Variants in MBP observed in about 807,000 individuals in gnomAD.
MBP encodes the protein Golli-MBP.
Under a neutral mutation model 35.8 loss-of-function variants are expected in MBP, and 16 were observed. The ratio of observed to expected loss-of-function variants is 0.45; its 90% CI spans 0.30 to 0.68. The LOEUF (loss-of-function observed/expected upper bound fraction) is 0.68. Among genes scored for constraint, MBP ranks in the 30% least tolerant of loss-of-function variants. The pLI, the probability that MBP is intolerant of heterozygous loss-of-function variation, is 0.08. For synonymous variants in MBP, 143 were observed against 159.6 expected (o/e 0.90, Z 0.78); for missense variants, 380 against 404.7 (o/e 0.94, Z 0.52).
rs1049578905 is a variant in MBP, at chr18:77,102,438, C to T, written c.51+2773G>A. Among the ~76,000 whole-genome samples the T allele has an allele frequency of 6.6e-6, 1 of 152,158 alleles. No individual in the cohort carries two copies. The highest frequency in any genetic ancestry group is 2.4e-5 in the African/African-American group (1 of 41,414). ...TGCTCTACTAAGCTATGCAGCATCA[C>T]AGAACATGTACATGTACTTGGAAGG... On this transcript the variant is annotated intron_variant, in intron 2 of 8. Coordinates refer to ENST00000355994, the MANE Select transcript of MBP (RefSeq NM_001025101.2). This position sits in a 1 kb window ranked among gnomAD's most constrained non-coding sequence, Gnocchi z 4.4.
intron 2 of MBP, among the ~76,000 whole-genome samples, chr18:77,094,980 T>C (rs565577898): frequency 6.6e-6 from 1 of 152,224 alleles, no homozygotes; most frequent in Non-Finnish European, 1.5e-5. Flanking sequence ...CTGGAGGTGC[T>C]GCAGGGGAGT....
At chr18:77,052,161 A>T (rs1973514814) in intron 3 of MBP, among the ~76,000 whole-genome samples, 1 of 152,168 alleles carries the variant, frequency 6.6e-6, no homozygotes, top group South Asian at 2.1e-4. Context: ...CGGGGGAAGG[A>T]GCGGGGCGAT....
At chr18:77,017,417 G>T in intron 3 of MBP, 149 bp from the exon 4 acceptor site, 1 of 601,354 alleles carries the variant, frequency 1.7e-6, no homozygotes, top group Non-Finnish European at 2.5e-6. Flanking sequence ...CTAGGATGGA[G>T]CTAACCTGGA....
intron 3 of MBP, among the ~76,000 whole-genome samples, chr18:77,029,760 T>A (rs1020297506): frequency 8.0e-5 from 12 of 150,758 alleles, no homozygotes; most frequent in Non-Finnish European, 1.3e-4. Context: ...GAGTGTTCTA[T>A]GTTCCCATAA....
chr18:77,055,070 T>C (rs1599151418), intron 3 of MBP, among the ~76,000 whole-genome samples: 1 of 152,290 alleles, frequency 6.6e-6, no homozygotes, highest in East Asian at 1.9e-4. Flanking sequence ...GGCCCCGCAG[T>C]TAGAAGGGAA....
intron 7 of MBP, chr18:76,987,987 C>T: frequency 7.9e-7 from 1 of 1,262,986 alleles, no homozygotes; most frequent in South Asian, 1.7e-5. Context: ...ACATACAAAA[C>T]AAAAATCTTT....
rs574291632 is a variant in MBP at position 77,128,347 on chromosome 18, A to C, written c.-26+4233T>G. Reference sequence around the variant, plus strand: ...TCTTAAAGCGACAAAATTATAGAAAATAGGAACCATACTGTGGTTGCCAGC... The same window carrying C: ...TCTTAAAGCGACAAAATTATAGAAACTAGGAACCATACTGTGGTTGCCAGC... On this transcript the variant is annotated intron_variant, in intron 1 of 8. Coordinates refer to ENST00000355994, the MANE Select transcript of MBP (RefSeq NM_001025101.2). 3.9e-5 allele frequency among the ~76,000 whole-genome samples: 6 copies of C among 152,328 alleles called. No individual in the cohort carries two copies. The South Asian group carries it at 1.0e-3, about 26-fold the overall frequency.
At chr18:77,061,287 G>A (rs1973967416) in intron 3 of MBP, among the ~76,000 whole-genome samples, 1 of 152,148 alleles carries the variant, frequency 6.6e-6, no homozygotes, top group Non-Finnish European at 1.5e-5. Context: ...CTCTTTGTCT[G>A]TGATAAAAAT....
intron 3 of MBP, among the ~76,000 whole-genome samples, chr18:77,025,704 A>AATTTTTT (rs1972185043): frequency 1.8e-5 from 1 of 57,028 alleles, no homozygotes; most frequent in Admixed American, 1.7e-4. Context: ...CTATTGAAAT[A>AATTTTTT]CTTTTTTTTT....
At position 76,989,972 on chromosome 18, in the gene MBP, T is replaced by C; in HGVS notation, c.665A>G (p.His222Arg). Reference sequence around the variant, plus strand: ...GTCACTTACAATGTTCTTGAAGAAGTGGACTACGGGGTTTTCATCTTGGGT... The same window carrying C: ...GTCACTTACAATGTTCTTGAAGAAGCGGACTACGGGGTTTTCATCTTGGGT... ...GRTQDENPVVHFFKNIVTPRT... is the reference protein window; with the variant it reads ...GRTQDENPVVRFFKNIVTPRT... The change falls in exon 5 of 9, where the codon CAC (histidine) becomes CGC (arginine). Residue 222 changes from histidine to arginine, a missense_variant. Transcript: ENST00000355994. The surrounding 1 kb of genome is among the most constrained non-coding windows in gnomAD (Gnocchi z 4.0). 2 of 1,612,018 alleles carry C rather than the reference T, an allele frequency of 1.2e-6. No individual in the cohort carries two copies. The highest frequency in any genetic ancestry group is 8.5e-7 in the Non-Finnish European group (1 of 1,179,648).
chr18:77,010,063 A>C, intron 4 of MBP: 1 of 643,192 alleles, frequency 1.6e-6, no homozygotes, highest in Non-Finnish European at 2.8e-6. Context: ...GGGGTGGAGG[A>C]TGAAGGACGA....
chr18:77,053,724 G>T (rs1281436475), intron 3 of MBP, among the ~76,000 whole-genome samples: 1 of 152,228 alleles, frequency 6.6e-6, no homozygotes, highest in African/African-American at 2.4e-5. Flanking sequence ...AAGTCTTTGA[G>T]ACAGGAGAGG....
At chr18:77,016,190 C>G in intron 4 of MBP, 1 of 981,788 alleles carries the variant, frequency 1.0e-6, no homozygotes, top group South Asian at 4.7e-5. Context: ...TCCACATTTG[C>G]TTTTGAATAA....
intron 2 of MBP, among the ~76,000 whole-genome samples, chr18:77,088,517 T>A (rs1975362325): frequency 6.6e-6 from 1 of 152,158 alleles, no homozygotes; most frequent in Non-Finnish European, 1.5e-5. Flanking sequence ...TACAAAAAAA[T>A]TGGGAAACAT....
At chr18:77,093,981 CT>C (rs58936481) in intron 2 of MBP, among the ~76,000 whole-genome samples, 230 of 144,844 alleles carry the variant, frequency 1.6e-3, no homozygotes, top group African/African-American at 3.7e-3. Flanking sequence ...TTTTTTTCTT[CT>C]TTTTTTTTTT....
At chr18:77,016,517 G>A (rs1298433928) in intron 4 of MBP, 1 of 1,220,514 alleles carries the variant, frequency 8.2e-7, no homozygotes, top group Non-Finnish European at 1.0e-6. Flanking sequence ...GAGACCCTGA[G>A]AATGTGGCTC....
chr18:77,008,090 C>T (rs1971103149), intron 4 of MBP, among the ~76,000 whole-genome samples: 1 of 152,136 alleles, frequency 6.6e-6, no homozygotes, highest in African/African-American at 2.4e-5. Context: ...GCGTGCCTCT[C>T]GTGGAGCAGG....
intron 4 of MBP, among the ~76,000 whole-genome samples, chr18:77,011,763 G>A (rs1273003613): frequency 1.3e-5 from 2 of 152,212 alleles, no homozygotes; most frequent in African/African-American, 4.8e-5. Flanking sequence ...ACGTTTTTAT[G>A]AAGTAGGATG....
intron 1 of MBP, among the ~76,000 whole-genome samples, chr18:77,121,678 A>G (rs1445941094): frequency 6.6e-6 from 1 of 152,252 alleles, no homozygotes; most frequent in African/African-American, 2.4e-5. Flanking sequence ...ACAGCAATCT[A>G]AAATGATATA....
Sources: allele counts gnomAD v4.1 joint callset (sites outside exome capture counted in the v4.1 genomes callset), GRCh38; gene constraint gnomAD v4.1.1; non-coding constraint Gnocchi (gnomAD v3.1); transcripts MANE v1.5; gene names NCBI Gene and HGNC (gene_info 2026-07-23, HGNC 2026-07-21).